The following KIFC3 variants were observed in gnomAD, a reference collection of about 807,000 sequenced individuals.
KIFC3 encodes the protein kinesin family member C3, also known as kinesin-like protein KIFC3.
KIFC3 carries 60 observed loss-of-function variants against 101.8 expected under a neutral mutation model. That is an observed-to-expected ratio of 0.59 (90% CI 0.48 to 0.73). The LOEUF is 0.73. KIFC3 is among the 30% of genes least tolerant of loss of function. The pLI is 0.00. For missense variants in KIFC3, 966 were observed against 1,137.1 expected, an observed-to-expected ratio of 0.85 and a Z score of 2.16; for synonymous variants, 476 against 482.7, an observed-to-expected ratio of 0.99 and a Z score of 0.18.
chr16:57,840,468 T>C (rs2149310678), intron 1 of KIFC3, among the ~76,000 whole-genome samples: 1 of 150,790 alleles, frequency 6.6e-6, no homozygotes, highest in African/African-American at 2.4e-5. Flanking sequence ...TGTAAAAAAA[T>C]AAAAGTTAAA....
chr16:57,759,278 C>G (rs2148816998), intron 18 of KIFC3, 125 bp from the exon 19 acceptor site: 2 of 1,176,918 alleles, frequency 1.7e-6, no homozygotes, highest in South Asian at 2.8e-5. Flanking sequence ...CTGGGCTAAA[C>G]AGGGGCTGGA....
intron 1 of KIFC3, among the ~76,000 whole-genome samples, chr16:57,861,423 A>G (rs981076524): frequency 6.6e-5 from 10 of 152,264 alleles, no homozygotes; most frequent in Middle Eastern, 3.4e-3. Context: ...TTAACTTTCT[A>G]TCTCAATGTC....
chr16:57,857,250 G>A (rs1041096958), intron 1 of KIFC3, among the ~76,000 whole-genome samples: 8 of 152,002 alleles, frequency 5.3e-5, no homozygotes, highest in African/African-American at 1.4e-4. Flanking sequence ...GTCAGGAATC[G>A]CCATACCTTA....
intron 3 of KIFC3, among the ~76,000 whole-genome samples, chr16:57,793,007 C>T (rs1439345901): frequency 6.6e-6 from 1 of 151,924 alleles, no homozygotes; most frequent in Non-Finnish European, 1.5e-5. Flanking sequence ...TAAATATGCA[C>T]TGGGAACTGT....
chr16:57,838,139 C>T (rs1175205507), intron 1 of KIFC3, among the ~76,000 whole-genome samples: 2 of 152,184 alleles, frequency 1.3e-5, no homozygotes, highest in Non-Finnish European at 2.9e-5. Flanking sequence ...TACCAAACCA[C>T]ACAATGCAAG....
upstream of KIFC3, chr16:57,802,758 T>C (rs1051632724): frequency 5.5e-5 from 41 of 746,116 alleles, no homozygotes; most frequent in African/African-American, 6.1e-4. The surrounding 1 kb of genome is among the most constrained non-coding windows in gnomAD (Gnocchi z 5.0). Flanking sequence ...CCCTGAAGGC[T>C]CTCACAAAAC....
intron 1 of KIFC3, among the ~76,000 whole-genome samples, chr16:57,820,407 T>C (rs573614991): frequency 6.9e-4 from 105 of 152,338 alleles, no homozygotes; most frequent in African/African-American, 2.5e-3. Context: ...TCTGAGTAGC[T>C]GGGGCTATAG....
intron 3 of KIFC3, chr16:57,781,861 T>C (rs2052774407): frequency 1.1e-6 from 1 of 897,894 alleles, no homozygotes; most frequent in Non-Finnish European, 1.3e-6. Context: ...GACCAGTAAG[T>C]GGTGGACCTA....
chr16:57,795,887 T>TTTG (rs1269135525), intron 2 of KIFC3, among the ~76,000 whole-genome samples: 2,270 of 32,182 alleles, frequency 0.071, 151 homozygotes, highest in South Asian at 0.18. Flanking sequence ...CTTTTTTGTT[T>TTTG]TTTTTTTTTT....
upstream of KIFC3, among the ~76,000 whole-genome samples, chr16:57,807,431 G>A (rs1246757767): frequency 6.6e-6 from 1 of 152,170 alleles, no homozygotes; most frequent in African/African-American, 2.4e-5. Flanking sequence ...GGCATGGAGA[G>A]GTGGTGGTCT....
chr16:57,824,189 G>A (rs2055413189), intron 1 of KIFC3, among the ~76,000 whole-genome samples: 1 of 152,142 alleles, frequency 6.6e-6, no homozygotes, highest in Non-Finnish European at 1.5e-5. Flanking sequence ...GGCAAGCTTT[G>A]TAGATGGAGA....
rs200044694 is a variant in KIFC3 at position 57,771,387 on chromosome 16, C to T, written c.576G>A (p.Ala192=). The part of the protein sequence containing the change: ...DKLSQLQLEM[A]ESKGMLSELN... ...GCTCTGACAGCATGCCTTTGCTTTC[C>T]GCCATCTCCAGCTGCAGCTGGGACA... Residue 192 remains alanine, a synonymous_variant, in exon 6 of 20, where the codon GCG becomes GCA. Coordinates refer to ENST00000445690, the MANE Select transcript of KIFC3 (RefSeq NM_001130100.2). 15 of 1,613,664 alleles carry T rather than the reference C, an allele frequency of 9.3e-6. No individual in the cohort carries two copies. Among genetic ancestry groups the T allele is most frequent in the African/African-American group, 5.3e-5 (4 of 75,082 alleles).
upstream of KIFC3, chr16:57,802,847 C>T (rs1228627124): frequency 9.9e-7 from 1 of 1,007,428 alleles, no homozygotes; most frequent in East Asian, 2.6e-5. This position sits in a 1 kb window ranked among gnomAD's most constrained non-coding sequence, Gnocchi z 5.0. Flanking sequence ...TTTTGCACAG[C>T]CTCAAACCCG....
intron 3 of KIFC3, among the ~76,000 whole-genome samples, chr16:57,786,481 G>A (rs1330061704): frequency 6.6e-6 from 1 of 151,916 alleles, no homozygotes; most frequent in Non-Finnish European, 1.5e-5. Context: ...CATGGTCTTT[G>A]CAGGTAGGGA....
chr16:57,772,720 C>T (rs537711055), intron 3 of KIFC3, among the ~76,000 whole-genome samples: 4 of 152,172 alleles, frequency 2.6e-5, no homozygotes, highest in African/African-American at 9.7e-5. Context: ...CCAGGTCCTC[C>T]GAGCCCTAGA....
chr16:57,827,582 C>T (rs1245118529), intron 1 of KIFC3, among the ~76,000 whole-genome samples: 1 of 152,200 alleles, frequency 6.6e-6, no homozygotes, highest in Non-Finnish European at 1.5e-5. Flanking sequence ...TGCGACACAT[C>T]ACGACCATTT....
chr16:57,834,276 G>T (rs1456923452), intron 1 of KIFC3, among the ~76,000 whole-genome samples: 1 of 152,046 alleles, frequency 6.6e-6, no homozygotes, highest in Non-Finnish European at 1.5e-5. Flanking sequence ...TCCCAGTATT[G>T]TTTCTTAGTG....
intron 3 of KIFC3, chr16:57,780,047 A>G (rs2052541724): frequency 6.6e-6 from 1 of 152,186 alleles, no homozygotes; most frequent in Non-Finnish European, 1.5e-5. Context: ...CAAGAACTGC[A>G]TGGAGGAAAC....
intron 10 of KIFC3, among the ~76,000 whole-genome samples, chr16:57,766,304 C>G (rs1472383961): frequency 6.6e-6 from 1 of 152,244 alleles, no homozygotes; most frequent in Non-Finnish European, 1.5e-5. Flanking sequence ...ACTTTGCCTT[C>G]TCTGGGAAGC....
Sources: gnomAD v4.1 joint callset for allele counts (sites outside exome capture counted in the v4.1 genomes callset) on GRCh38, gnomAD v4.1.1 for gene constraint, Gnocchi (gnomAD v3.1) non-coding constraint, MANE v1.5 for transcripts, NCBI Gene and HGNC (gene_info 2026-07-23, HGNC 2026-07-21) for gene names.